The following LYPLA1 variants were observed in gnomAD, a reference collection of about 807,000 sequenced individuals.
LYPLA1 encodes lysophospholipase 1.
In LYPLA1, 17 loss-of-function variants were observed where a neutral mutation model predicts 34.0. The ratio of observed to expected loss-of-function variants is 0.50; its 90% CI spans 0.34 to 0.75. The LOEUF (loss-of-function observed/expected upper bound fraction) is 0.75. Ranked by LOEUF, LYPLA1 falls within the 30% of genes least tolerant of loss-of-function variation. The probability of loss-of-function intolerance (pLI) is 0.01; values close to 1 mark genes in which losing one functional copy is unlikely to be tolerated. For missense variants in LYPLA1, 203 were observed against 288.8 expected (o/e 0.70, Z 2.15); for synonymous variants, 98 against 100.8 (o/e 0.97, Z 0.17).
intron 2 of LYPLA1, among the ~76,000 whole-genome samples, chr8:54,094,885 T>C (rs1336627147): frequency 6.6e-6 from 1 of 152,212 alleles, no homozygotes; most frequent in African/African-American, 2.4e-5. Context: ...ACTAACTTGA[T>C]TGTTATCCTC....
chr8:54,097,179 G>A (rs974163851), intron 2 of LYPLA1, among the ~76,000 whole-genome samples: 3 of 152,134 alleles, frequency 2.0e-5, no homozygotes, highest in African/African-American at 7.2e-5. Context: ...CTGCAGTCGA[G>A]ACCTGGAAGA....
rs542149313 is a variant in LYPLA1, at chr8:54,082,104, A to C, written c.102-16291T>G. On this transcript the variant is annotated intron_variant, in intron 2 of 8. Coordinates refer to ENST00000316963, the MANE Select transcript of LYPLA1 (RefSeq NM_006330.4). ...AGATACAGACTGTATCCTCAACGAA[A>C]CTGCAGTCCCGTAGGAGAAACAAGA... Among the ~76,000 whole-genome samples the C allele has an allele frequency of 2.0e-5, 3 of 152,342 alleles. No homozygotes were observed. The East Asian group carries it at 5.8e-4, about 29-fold the overall frequency.
intron 2 of LYPLA1, among the ~76,000 whole-genome samples, chr8:54,083,584 G>C (rs1319727174): frequency 1.3e-5 from 2 of 152,148 alleles, no homozygotes; most frequent in East Asian, 1.9e-4. Context: ...GGTCTCTGTT[G>C]CAACTACTCA....
intron 2 of LYPLA1, chr8:54,073,243 AGAACCTGCTGTCTGAATGGGG>A: frequency 1.1e-6 from 1 of 872,328 alleles, no homozygotes; most frequent in East Asian, 2.4e-5. Flanking sequence ...GGAACTAAAC[AGAACCTGCTGTCTGAATGGGG>A]GAACCTGCAT....
intron 2 of LYPLA1, among the ~76,000 whole-genome samples, chr8:54,086,794 G>T (rs1808826279): frequency 6.6e-6 from 1 of 152,102 alleles, no homozygotes; most frequent in South Asian, 2.1e-4. Context: ...AGGCTGCAGT[G>T]AGCTGTGTTC....
intron 7 of LYPLA1, among the ~76,000 whole-genome samples, chr8:54,051,572 C>T (rs1290561643): frequency 6.6e-6 from 1 of 151,712 alleles, no homozygotes; most frequent in Non-Finnish European, 1.5e-5. Flanking sequence ...CTCAGCCTCC[C>T]AAGTAGCTGG....
chr8:54,082,917 G>A (rs1001352146), intron 2 of LYPLA1, among the ~76,000 whole-genome samples: 8 of 152,068 alleles, frequency 5.3e-5, no homozygotes, highest in African/African-American at 1.4e-4. Flanking sequence ...TAGTAGAGAC[G>A]GGGTTTCCCC....
chr8:54,059,572 G>A (rs1210723850), intron 5 of LYPLA1, among the ~76,000 whole-genome samples: 1 of 73,314 alleles, frequency 1.4e-5, no homozygotes, highest in Non-Finnish European at 2.1e-5. Context: ...CCAAAGTGCT[G>A]GGATTACAGG....
chr8:54,051,277 A>ATT, intron 7 of LYPLA1, 89 bp from the exon 8 acceptor site: 1 of 1,073,524 alleles, frequency 9.3e-7, no homozygotes, highest in Non-Finnish European at 1.3e-6. Flanking sequence ...AAATATGCAT[A>ATT]TATATAACAT....
At chr8:54,050,960 C>A in intron 8 of LYPLA1, 52 bp downstream of exon 8, 1 of 1,502,302 alleles carries the variant, frequency 6.7e-7, no homozygotes, top group South Asian at 1.3e-5. Flanking sequence ...TTGAAAATAT[C>A]ACATGAAAAA....
chr8:54,068,568 T>A (rs1294642844), intron 2 of LYPLA1, among the ~76,000 whole-genome samples: 1 of 152,222 alleles, frequency 6.6e-6, no homozygotes, highest in Non-Finnish European at 1.5e-5. Flanking sequence ...CTGTCAAACT[T>A]ATTTCTGAAA....
chr8:54,050,477 A>G lies in LYPLA1; in HGVS notation c.639+535T>C, dbSNP rs565664331. 2.1e-3 allele frequency among the ~76,000 whole-genome samples: 317 copies of G among 152,220 alleles called. 1 individual carries two copies. The highest frequency in any genetic ancestry group is 7.2e-3 in the African/African-American group (300 of 41,542). Reference sequence around the variant, plus strand: ...TCAGCACAAAGAGTCTCTGTTCCCTATGTCTTCTGTCCTATCATGCCCAGC... The same window carrying G: ...TCAGCACAAAGAGTCTCTGTTCCCTGTGTCTTCTGTCCTATCATGCCCAGC... On this transcript the variant is annotated intron_variant, in intron 8 of 8. Transcript: ENST00000316963.
intron 2 of LYPLA1, among the ~76,000 whole-genome samples, chr8:54,076,091 A>T (rs1001538045): frequency 6.6e-6 from 1 of 152,224 alleles, no homozygotes; most frequent in African/African-American, 2.4e-5. Context: ...TGGCACCTCA[A>T]CCTCAAATGA....
intron 2 of LYPLA1, among the ~76,000 whole-genome samples, chr8:54,082,973 G>A (rs553433355): frequency 2.6e-5 from 4 of 152,222 alleles, no homozygotes; most frequent in South Asian, 4.1e-4. Context: ...TGATCCGCCC[G>A]CCTCGGCTTC....
At chr8:54,061,996 C>T (rs1172257043) in intron 5 of LYPLA1, among the ~76,000 whole-genome samples, 3 of 152,062 alleles carry the variant, frequency 2.0e-5, no homozygotes, top group African/African-American at 7.2e-5. Flanking sequence ...GCTGGGATTA[C>T]AGGCGCCCAC....
chr8:54,091,848 G>A (rs1008363655), intron 2 of LYPLA1, among the ~76,000 whole-genome samples: 4 of 152,148 alleles, frequency 2.6e-5, no homozygotes, highest in African/African-American at 9.7e-5. Flanking sequence ...CAGCACTTTG[G>A]GAGGCCCAGA....
intron 2 of LYPLA1, among the ~76,000 whole-genome samples, chr8:54,067,268 G>T (rs1807135737): frequency 6.6e-6 from 1 of 152,176 alleles, no homozygotes; most frequent in South Asian, 2.1e-4. Flanking sequence ...GGCTGAGGTA[G>T]GAGGACAGCT....
rs1807642894 is a variant in LYPLA1, at chr8:54,073,360, C to T, written c.102-7547G>A. 3.7e-6 allele frequency: 3 copies of T among 802,180 alleles called. No homozygotes were observed. In the Admixed American group the frequency reaches 5.1e-5, roughly 14 times the overall value. 49.7% of individuals were successfully genotyped at this position (802,180 alleles called of 1,614,324 possible). A position where few individuals can be genotyped will look rare whatever the true frequency, so the allele number is the denominator to read the frequency against. ...GTGCAAAGAGAACTGTGGGTCTGTG[C>T]CCCATGACACCTGGCTGCCCAAGAA... On this transcript the variant is annotated intron_variant, in intron 2 of 8. Transcript: ENST00000316963.
chr8:54,048,788 A>C (rs1197973119), intron 8 of LYPLA1, among the ~76,000 whole-genome samples: 1 of 152,210 alleles, frequency 6.6e-6, no homozygotes, highest in Non-Finnish European at 1.5e-5. Context: ...CTTGTAATTT[A>C]GTCACTCAGA....
Sources: gnomAD v4.1 joint callset for allele counts (sites outside exome capture counted in the v4.1 genomes callset) on GRCh38, gnomAD v4.1.1 for gene constraint, MANE v1.5 for transcripts, NCBI Gene and HGNC (gene_info 2026-07-23, HGNC 2026-07-21) for gene names.